SYN3: variants seen among roughly 807,000 people sequenced by gnomAD.
SYN3 encodes synapsin III.
In SYN3, 35 loss-of-function variants were observed where a neutral mutation model predicts 65.8. That is an observed-to-expected ratio of 0.53 (90% CI 0.41 to 0.70). The LOEUF (loss-of-function observed/expected upper bound fraction) is 0.70, where lower values mean the gene tolerates loss of function less well. SYN3 is among the 30% of genes least tolerant of loss of function. The pLI is 0.00. For missense variants in SYN3, 680 were observed against 749.0 expected, an observed-to-expected ratio of 0.91 and a Z score of 1.08; for synonymous variants, 270 against 292.9, an observed-to-expected ratio of 0.92 and a Z score of 0.80.
At chr22:32,579,558 G>A (rs1322907070) in intron 7 of SYN3, among the ~76,000 whole-genome samples, 1 of 152,162 alleles carries the variant, frequency 6.6e-6, no homozygotes, top group Non-Finnish European at 1.5e-5. Context: ...TGGGTATTAG[G>A]TTCCAACATA....
At chr22:32,705,111 A>G (rs2060863096) in intron 6 of SYN3, among the ~76,000 whole-genome samples, 1 of 152,128 alleles carries the variant, frequency 6.6e-6, no homozygotes, top group African/African-American at 2.4e-5. Flanking sequence ...TGGTGTCTTC[A>G]TCATGAAATT....
At chr22:32,644,802 G>A (rs2059960568) in intron 6 of SYN3, among the ~76,000 whole-genome samples, 1 of 152,116 alleles carries the variant, frequency 6.6e-6, no homozygotes, top group African/African-American at 2.4e-5. Context: ...GGCTGCCTGG[G>A]GCCTCCCAGT....
At chr22:32,555,213 G>A (rs1428589632) in intron 7 of SYN3, among the ~76,000 whole-genome samples, 1 of 152,156 alleles carries the variant, frequency 6.6e-6, no homozygotes, top group Admixed American at 6.5e-5. Context: ...CTCACAAGCT[G>A]TAACAGAAAA....
chr22:32,529,689 C>T (rs894261423), intron 10 of SYN3, among the ~76,000 whole-genome samples: 4 of 152,136 alleles, frequency 2.6e-5, no homozygotes, highest in Admixed American at 6.5e-5. Context: ...CAATGCTCCA[C>T]GTGATTCCCT....
At position 32,527,932 on chromosome 22, in the gene SYN3, C is replaced by T. The variant is rs199645736; in HGVS notation, c.1304G>A (p.Arg435His). 7.4e-4 allele frequency: 1,182 copies of T among 1,590,772 alleles called. No individual in the cohort carries two copies. The highest frequency in any genetic ancestry group is 9.7e-4 in the Non-Finnish European group (1,128 of 1,167,458). The change falls in exon 12 of 14, where the codon CGC becomes CAC. Residue 435 changes from arginine (R) to histidine (H), a missense_variant. Arg to His is a conservative substitution (Grantham distance 29). Coordinates refer to ENST00000358763, the MANE Select transcript of SYN3 (RefSeq NM_003490.4). ...CTGGGTCATACCTTGCGGAGGTGGG[C>T]GTGGCTGGGGCTGGCCTAGCTGAGG... ...LGPQLGQPQP[R>H]PPPQGGPRQA...
In SYN3 at chr22:33,048,051, G is replaced by A. The variant is rs763865405; in HGVS notation, c.-163+10241C>T. Among the ~76,000 whole-genome samples, 5 of 152,188 alleles carry A rather than the reference G, an allele frequency of 3.3e-5. No individual in the cohort carries two copies. The South Asian group carries it at 1.0e-3, about 32-fold the overall frequency. Reference sequence around the variant, plus strand: ...GAATACTGTCCGGAGGAGGCAGGCAGAACATGCCAACCTCAAGTAGAAAAC... The same window carrying A: ...GAATACTGTCCGGAGGAGGCAGGCAAAACATGCCAACCTCAAGTAGAAAAC... On this transcript the variant is annotated intron_variant, in intron 1 of 13. Transcript: ENST00000358763.
intron 6 of SYN3, among the ~76,000 whole-genome samples, chr22:32,615,432 T>TAAAAAAAAA (rs1190319833): frequency 6.7e-4 from 50 of 74,374 alleles, no homozygotes; most frequent in African/African-American, 2.5e-3. Context: ...AGACTTCATC[T>TAAAAAAAAA]AAAAAAAAAA....
chr22:32,678,258 T>C (rs112862801), intron 6 of SYN3, among the ~76,000 whole-genome samples: 5 of 152,278 alleles, frequency 3.3e-5, no homozygotes, highest in African/African-American at 1.2e-4. Context: ...AAGCAGAACA[T>C]TGGACAGGAG....
At chr22:32,959,023 T>C (rs2051557693) in intron 3 of SYN3, among the ~76,000 whole-genome samples, 1 of 152,014 alleles carries the variant, frequency 6.6e-6, no homozygotes, top group Admixed American at 6.6e-5. Flanking sequence ...TGAAACCCCA[T>C]CTCTACTAAA....
At chr22:32,642,126 C>T (rs76390851) in intron 6 of SYN3, among the ~76,000 whole-genome samples, 1,819 of 151,962 alleles carry the variant, frequency 0.012, 38 homozygotes, top group African/African-American at 0.042. Flanking sequence ...CCTGTCTCTA[C>T]TAAAAATACA....
intron 4 of SYN3, among the ~76,000 whole-genome samples, chr22:32,871,510 G>A (rs908789110): frequency 6.6e-6 from 1 of 152,142 alleles, no homozygotes; most frequent in Non-Finnish European, 1.5e-5. Flanking sequence ...ACCCTCAAAA[G>A]GCGTCTCTCT....
chr22:32,962,280 C>T (rs547488771), intron 3 of SYN3, among the ~76,000 whole-genome samples: 3 of 151,766 alleles, frequency 2.0e-5, no homozygotes, highest in African/African-American at 4.8e-5. Flanking sequence ...GGTCTACAGG[C>T]GCCTGCCACC....
chr22:32,519,287 A>C (rs1348241902), intron 12 of SYN3: 2 of 150,600 alleles, frequency 1.3e-5, no homozygotes, highest in Non-Finnish European at 2.9e-5. Flanking sequence ...AAAAGTGGTG[A>C]GATTAAGAAG....
chr22:32,613,897 C>T (rs2059480384), intron 6 of SYN3, among the ~76,000 whole-genome samples: 1 of 152,166 alleles, frequency 6.6e-6, no homozygotes, highest in Non-Finnish European at 1.5e-5. Flanking sequence ...ACGGAAGAGG[C>T]TGCAAAACAC....
rs570310473 is a variant in SYN3 at position 32,837,543 on chromosome 22, G to C, written c.711+27372C>G. Among the ~76,000 whole-genome samples the C allele has an allele frequency of 6.6e-6, 1 of 152,282 alleles. No individual in the cohort carries two copies. Among genetic ancestry groups the C allele is most frequent in the East Asian group, 1.9e-4 (1 of 5,168 alleles). On this transcript the variant is annotated intron_variant, in intron 6 of 13. Transcript: ENST00000358763. This position sits in a 1 kb window ranked among gnomAD's most constrained non-coding sequence, Gnocchi z 4.1. The stretch of plus-strand genomic sequence containing the variant: ...GGGAGACAGGGTACGGCGGGAGACA[G>C]AGATGCATGAAATACTAACGTTGAA...
At chr22:32,931,024 T>C (rs756682602) in intron 4 of SYN3, 16 of 177,644 alleles carry the variant, frequency 9.0e-5, no homozygotes, top group Non-Finnish European at 1.8e-4. Flanking sequence ...CAGGGTGCTG[T>C]CATACATGTG....
intron 4 of SYN3, among the ~76,000 whole-genome samples, chr22:32,909,007 T>C (rs2049977209): frequency 6.6e-6 from 1 of 152,220 alleles, no homozygotes; most frequent in Non-Finnish European, 1.5e-5. Flanking sequence ...TTAGGCTTGA[T>C]AGGCCTCACC....
chr22:32,622,092 G>A (rs1019986520), intron 6 of SYN3, among the ~76,000 whole-genome samples: 4 of 151,978 alleles, frequency 2.6e-5, no homozygotes, highest in African/African-American at 9.7e-5. Context: ...AAAAGGCCCT[G>A]TTTGCTTACA....
chr22:32,531,222 G>T (rs889466350), intron 10 of SYN3, among the ~76,000 whole-genome samples: 6 of 149,864 alleles, frequency 4.0e-5, no homozygotes, highest in South Asian at 2.1e-4. Flanking sequence ...CTCTGCGCAG[G>T]TCGTACCTGG....
Sources: allele counts gnomAD v4.1 joint callset (sites outside exome capture counted in the v4.1 genomes callset), GRCh38; gene constraint gnomAD v4.1.1; non-coding constraint Gnocchi (gnomAD v3.1); transcripts MANE v1.5; gene names NCBI Gene and HGNC (gene_info 2026-07-23, HGNC 2026-07-21).